SMCO2: variants seen among roughly 807,000 people sequenced by gnomAD.
The protein encoded by SMCO2 is single-pass membrane protein with coiled-coil domains 2.
SMCO2 carries 25 observed loss-of-function variants against 29.5 expected under a neutral mutation model. The ratio of observed to expected loss-of-function variants is 0.85; its 90% confidence interval spans 0.62 to 1.18. The LOEUF is 1.18. SMCO2 is among the 50% of genes most tolerant of loss of function. The probability of loss-of-function intolerance (pLI) is 0.00; values close to 1 mark genes in which losing one functional copy is unlikely to be tolerated. For missense variants in SMCO2, 348 were observed against 344.5 expected, an observed-to-expected ratio of 1.01 and a Z score of -0.08; for synonymous variants, 117 against 123.3, an observed-to-expected ratio of 0.95 and a Z score of 0.34.
At chr12:27,455,667 A>T in the SMCO2 span, among the ~76,000 whole-genome samples, 1 of 152,220 alleles carries the variant, frequency 6.6e-6, no homozygotes. Context: ...ACAAACAAGG[A>T]CATTCATTGT....
At chr12:27,468,232 A>G (rs1949513811) in intron 1 of SMCO2, among the ~76,000 whole-genome samples, 1 of 152,216 alleles carries the variant, frequency 6.6e-6, no homozygotes, top group Admixed American at 6.5e-5. Context: ...GATGGATCGT[A>G]GCAAACACCC....
intron 7 of SMCO2, among the ~76,000 whole-genome samples, chr12:27,501,342 A>G (rs1488301143): frequency 2.1e-5 from 3 of 142,478 alleles, no homozygotes; most frequent in African/African-American, 5.4e-5. Context: ...CATGAACCCA[A>G]GAGGCAGAGC....
chr12:27,487,715 C>T lies in SMCO2; in HGVS notation c.363-745C>T, dbSNP rs560550329. On this transcript the variant is annotated intron_variant, in intron 4 of 7. Transcript: ENST00000298876. ...GAATGATCGCGTTTCTCCACATCCT[C>T]ACTAGCATTTGGTGTTATCACTATT... Among the ~76,000 whole-genome samples, 3 of 151,670 alleles carry T rather than the reference C, an allele frequency of 2.0e-5. No homozygotes were observed. In the South Asian group the frequency reaches 6.2e-4, roughly 32 times the overall value.
At chr12:27,426,126 C>T in the SMCO2 span, among the ~76,000 whole-genome samples, 3 of 152,150 alleles carry the variant, frequency 2.0e-5, no homozygotes, top group Non-Finnish European at 4.4e-5. Context: ...CTCTCCTCTT[C>T]CCCAGGTCTC....
chr12:27,462,828 A>G (rs960326804), upstream of SMCO2, among the ~76,000 whole-genome samples: 1 of 152,228 alleles, frequency 6.6e-6, no homozygotes, highest in African/African-American at 2.4e-5. Context: ...AAATCAACAC[A>G]TATTTACTCC....
At chr12:27,499,439 G>A (rs1160735824) in intron 7 of SMCO2, among the ~76,000 whole-genome samples, 1 of 150,556 alleles carries the variant, frequency 6.6e-6, no homozygotes, top group Non-Finnish European at 1.5e-5. Flanking sequence ...TTGGGGAATA[G>A]GGAGATGGTG....
the SMCO2 span, among the ~76,000 whole-genome samples, chr12:27,454,383 T>C: frequency 6.6e-6 from 1 of 152,184 alleles, no homozygotes; most frequent in Non-Finnish European, 1.5e-5. Context: ...TATATTCCAA[T>C]CATATCTTCA....
upstream of SMCO2, among the ~76,000 whole-genome samples, chr12:27,462,981 G>A (rs891245943): frequency 1.2e-4 from 18 of 152,180 alleles, no homozygotes; most frequent in African/African-American, 4.3e-4. Context: ...TGGCCTGGTG[G>A]CTGGCAGGTG....
chr12:27,491,709 TC>T (rs1388389212), intron 5 of SMCO2, among the ~76,000 whole-genome samples: 3 of 146,304 alleles, frequency 2.1e-5, no homozygotes, highest in East Asian at 2.0e-4. Flanking sequence ...TATATATAGA[TC>T]TTTTTTTTTT....
At chr12:27,484,425 G>T (rs1332877014) in intron 4 of SMCO2, among the ~76,000 whole-genome samples, 1 of 152,002 alleles carries the variant, frequency 6.6e-6, no homozygotes, top group African/African-American at 2.4e-5. Flanking sequence ...CAGTTCTACT[G>T]GGGATGTGTT....
intron 7 of SMCO2, chr12:27,497,646 C>T (rs943068382): frequency 6.5e-6 from 1 of 153,718 alleles, no homozygotes; most frequent in East Asian, 1.9e-4. Context: ...GGGACTATCA[C>T]CTGAGCCCAG....
chr12:27,475,752 T>C (rs1206042176), intron 4 of SMCO2, 21 bp downstream of exon 5: 2 of 1,476,270 alleles, frequency 1.4e-6, no homozygotes, highest in Non-Finnish European at 1.8e-6. Context: ...GGTGTTGGGG[T>C]TGGTCATAAA....
chr12:27,463,084 C>T (rs1949470768), upstream of SMCO2, among the ~76,000 whole-genome samples: 2 of 152,236 alleles, frequency 1.3e-5, no homozygotes, highest in South Asian at 4.1e-4. Context: ...TCTGTTTCTG[C>T]AGCACCAAGA....
At chr12:27,464,739 A>G (rs898742796), upstream of SMCO2, among the ~76,000 whole-genome samples, 9 of 146,126 alleles carry the variant, frequency 6.2e-5, no homozygotes, top group African/African-American at 2.3e-4. Context: ...AAAAAAAAAA[A>G]GTCTGGGCGT....
chr12:27,433,036 T>G, the SMCO2 span, among the ~76,000 whole-genome samples: 1 of 152,218 alleles, frequency 6.6e-6, no homozygotes, highest in Admixed American at 6.5e-5. Context: ...TTTATAACAT[T>G]GGTGTCAGTT....
At chr12:27,470,235 G>T (rs994709528) in intron 1 of SMCO2, among the ~76,000 whole-genome samples, 2 of 152,102 alleles carry the variant, frequency 1.3e-5, no homozygotes, top group East Asian at 1.9e-4. Context: ...AAGTACCAAT[G>T]ATTTTACTTT....
chr12:27,426,655 G>A, the SMCO2 span, among the ~76,000 whole-genome samples: 1 of 152,148 alleles, frequency 6.6e-6, no homozygotes, highest in Non-Finnish European at 1.5e-5. Context: ...GTGTTATAGA[G>A]AAGCTTCATC....
the SMCO2 span, among the ~76,000 whole-genome samples, chr12:27,449,222 G>A: frequency 4.5e-4 from 68 of 152,306 alleles, no homozygotes; most frequent in Middle Eastern, 6.8e-3. Flanking sequence ...TAGATAAGCC[G>A]CAAAGGTCAT....
chr12:27,476,918 T>A (rs1162431112), intron 4 of SMCO2, among the ~76,000 whole-genome samples: 1 of 152,062 alleles, frequency 6.6e-6, no homozygotes, highest in East Asian at 1.9e-4. Flanking sequence ...GTTTTGTATA[T>A]CCTTATTTCT....
Sources: allele counts gnomAD v4.1 joint callset (sites outside exome capture counted in the v4.1 genomes callset), GRCh38; gene constraint gnomAD v4.1.1; transcripts MANE v1.5; gene names NCBI Gene and HGNC (gene_info 2026-07-23, HGNC 2026-07-21).